Variants in HPSE2 observed in about 807,000 individuals in gnomAD.
The protein encoded by HPSE2 is inactive heparanase-2.
Under a neutral mutation model 60.5 loss-of-function variants are expected in HPSE2, and 38 were observed. That is an observed-to-expected ratio of 0.63 (90% CI 0.48 to 0.82). HPSE2 has a LOEUF of 0.82. Among genes scored for constraint, HPSE2 ranks in the 40% least tolerant of loss-of-function variants. The pLI, the probability that HPSE2 is intolerant of heterozygous loss-of-function variation, is 0.00. For missense variants in HPSE2, 713 were observed against 740.4 expected (o/e 0.96, Z 0.43); for synonymous variants, 295 against 293.2 (o/e 1.01, Z -0.06).
At chr10:98,596,959 G>C (rs1478024677) in intron 9 of HPSE2, among the ~76,000 whole-genome samples, 3 of 152,140 alleles carry the variant, frequency 2.0e-5, no homozygotes, top group African/African-American at 4.8e-5. Context: ...CAGCATGAGT[G>C]GGGAGGCCTC....
rs148559975 is a variant in HPSE2, at chr10:99,229,972, G to C, written c.448+2376C>G. 4.6e-5 allele frequency among the ~76,000 whole-genome samples: 7 copies of C among 152,304 alleles called. No homozygotes were observed. In the East Asian group the frequency reaches 1.4e-3, roughly 29 times the overall value. On this transcript the variant is annotated intron_variant, in intron 2 of 11. Transcript: ENST00000370552. ...TGCCTTGAATTCTGCAATGCAACAT[G>C]CAACAACAAAGACAGTATGGGTAAT... is the stretch of plus-strand genomic sequence containing the variant.
At chr10:98,914,429 C>G (rs1954063053) in intron 3 of HPSE2, among the ~76,000 whole-genome samples, 3 of 151,850 alleles carry the variant, frequency 2.0e-5, no homozygotes, top group Admixed American at 6.6e-5. Context: ...ATAAAAAACA[C>G]TATGAATTTC....
intron 6 of HPSE2, among the ~76,000 whole-genome samples, chr10:98,665,994 T>C (rs1460556333): frequency 6.6e-6 from 1 of 152,164 alleles, no homozygotes; most frequent in Admixed American, 6.5e-5. Flanking sequence ...AGTGACAAGC[T>C]GGATAAAATG....
chr10:98,974,551 C>A (rs1003995165), intron 3 of HPSE2, among the ~76,000 whole-genome samples: 5 of 152,124 alleles, frequency 3.3e-5, no homozygotes, highest in African/African-American at 4.8e-5. Flanking sequence ...CAGGTGTGAG[C>A]CACTGCACCC....
At chr10:98,779,632 A>C (rs1417421660) in intron 3 of HPSE2, among the ~76,000 whole-genome samples, 2 of 152,162 alleles carry the variant, frequency 1.3e-5, no homozygotes, top group African/African-American at 4.8e-5. Context: ...TTTTTATTTT[A>C]AAATGTTCTT....
chr10:99,289,982 GA>G, the HPSE2 span, among the ~76,000 whole-genome samples: 1 of 152,132 alleles, frequency 6.6e-6, no homozygotes, highest in Non-Finnish European at 1.5e-5. Flanking sequence ...ATATGCTAAA[GA>G]AGAAACTAAA....
chr10:98,492,238 C>G (rs567036685), intron 9 of HPSE2, among the ~76,000 whole-genome samples: 11 of 152,254 alleles, frequency 7.2e-5, no homozygotes, highest in African/African-American at 2.4e-4. Flanking sequence ...TACGGTGGCT[C>G]ACGCCTATAA....
At chr10:99,002,646 GAT>G (rs930980996) in intron 3 of HPSE2, among the ~76,000 whole-genome samples, 5 of 152,160 alleles carry the variant, frequency 3.3e-5, no homozygotes, top group African/African-American at 1.2e-4. Flanking sequence ...AAAGAGACAT[GAT>G]GACTAAATCT....
the HPSE2 span, among the ~76,000 whole-genome samples, chr10:99,308,937 AT>A: frequency 1.3e-5 from 2 of 152,168 alleles, no homozygotes; most frequent in Admixed American, 6.5e-5. Flanking sequence ...CAGTTCTTGT[AT>A]TTTATTTTCA....
At chr10:99,275,882 G>A in the HPSE2 span, among the ~76,000 whole-genome samples, 3 of 152,160 alleles carry the variant, frequency 2.0e-5, no homozygotes, top group Non-Finnish European at 2.9e-5. Context: ...ATGAAGGGAA[G>A]AGATTATTAC....
upstream of HPSE2, chr10:99,235,990 TG>T (rs1409645831): frequency 2.0e-4 from 98 of 501,938 alleles, 1 homozygote; most frequent in African/African-American, 1.9e-3. Flanking sequence ...TCGCTCGTTT[TG>T]TTTTTTTCTT....
intron 3 of HPSE2, among the ~76,000 whole-genome samples, chr10:98,839,259 T>C (rs1435890969): frequency 1.3e-5 from 2 of 152,222 alleles, no homozygotes; most frequent in Non-Finnish European, 2.9e-5. Flanking sequence ...TAACCAAACC[T>C]ACATAGCATT....
intron 3 of HPSE2, among the ~76,000 whole-genome samples, chr10:98,792,042 G>T (rs371406944): frequency 6.6e-6 from 1 of 152,258 alleles, no homozygotes; most frequent in South Asian, 2.1e-4. Flanking sequence ...GAAAATATGC[G>T]CATTATTATC....
the HPSE2 span, among the ~76,000 whole-genome samples, chr10:99,283,591 TAAC>T: frequency 6.6e-6 from 1 of 151,598 alleles, no homozygotes. Context: ...TTAACAAAAT[TAAC>T]AAACCTTTAG....
intron 9 of HPSE2, among the ~76,000 whole-genome samples, chr10:98,494,416 AAAAACACTTTT>A (rs1385918297): frequency 6.6e-6 from 1 of 152,240 alleles, no homozygotes. Flanking sequence ...TGAGAAAGAT[AAAAACACTTTT>A]AAATAAGGAA....
At position 98,906,578 on chromosome 10, in the gene HPSE2, G is replaced by A. The variant is rs533606756; in HGVS notation, c.611-162522C>T. Among the ~76,000 whole-genome samples the A allele has an allele frequency of 5.9e-5, 9 of 152,240 alleles. No homozygotes were observed. The South Asian group carries it at 1.9e-3, about 32-fold the overall frequency. On this transcript the variant is annotated intron_variant, in intron 3 of 11. Transcript: ENST00000370552. ...GTACAAAAACAGACAGTAAAATTTA[G>A]GTTAGATTTAAGAAATGTTTTCCAA... is the stretch of plus-strand genomic sequence containing the variant.
intron 3 of HPSE2, among the ~76,000 whole-genome samples, chr10:98,938,862 G>A (rs918786785): frequency 6.9e-6 from 1 of 144,234 alleles, no homozygotes; most frequent in Non-Finnish European, 1.5e-5. Context: ...ACAAAGGGAA[G>A]TCCATCAGAC....
chr10:98,683,371 T>A, intron 6 of HPSE2, among the ~76,000 whole-genome samples: 1 of 130,300 alleles, frequency 7.7e-6, no homozygotes, highest in Non-Finnish European at 1.7e-5. Flanking sequence ...AAAAACAAAC[T>A]ACCTACTGGA....
At chr10:98,789,522 A>C (rs565105206) in intron 3 of HPSE2, among the ~76,000 whole-genome samples, 5 of 152,338 alleles carry the variant, frequency 3.3e-5, no homozygotes, top group African/African-American at 1.2e-4. Context: ...GAAAACTGTG[A>C]AGTAAATGCT....
Sources: gnomAD v4.1 joint callset for allele counts (sites outside exome capture counted in the v4.1 genomes callset) on GRCh38, gnomAD v4.1.1 for gene constraint, MANE v1.5 for transcripts, NCBI Gene and HGNC (gene_info 2026-07-23, HGNC 2026-07-21) for gene names.